Variants in TSHZ2 observed in about 807,000 individuals in gnomAD.
TSHZ2 encodes teashirt homolog 2.
Under a neutral mutation model 74.4 loss-of-function variants are expected in TSHZ2, and 21 were observed. The observed-to-expected ratio is 0.28, with a 90% CI of 0.20 to 0.41. TSHZ2 has a LOEUF of 0.41. TSHZ2 is among the 10% of genes least tolerant of loss of function. TSHZ2 has a pLI of 1.00. For synonymous variants in TSHZ2, 540 were observed against 515.3 expected (o/e 1.05, Z -0.65); for missense variants, 1,244 against 1,293.5 (o/e 0.96, Z 0.59).
rs188597875 is a variant in TSHZ2 at position 53,416,044 on chromosome 20, C to T, written c.*9-71100C>T. Reference sequence around the variant, plus strand: ...AAAGAAGGGTTTCAGTGGGGACTAACGCAGTCAGCTCTGCAATTTAGGAGG... The same window carrying T: ...AAAGAAGGGTTTCAGTGGGGACTAATGCAGTCAGCTCTGCAATTTAGGAGG... On this transcript the variant is annotated intron_variant, in intron 2 of 2. Coordinates refer to ENST00000371497, the MANE Select transcript of TSHZ2 (RefSeq NM_173485.6). 6.4e-4 allele frequency among the ~76,000 whole-genome samples: 97 copies of T among 152,262 alleles called. 1 individual carries two copies. Among genetic ancestry groups the T allele is most frequent in the Middle Eastern group, 3.4e-3 (1 of 294 alleles).
intron 1 of TSHZ2, among the ~76,000 whole-genome samples, chr20:53,202,019 A>G (rs922450463): frequency 6.6e-6 from 1 of 152,220 alleles, no homozygotes; most frequent in African/African-American, 2.4e-5. Context: ...GCTAACCACC[A>G]CAAGTAACAA....
At chr20:53,017,730 G>A (rs1008577935) in intron 1 of TSHZ2, among the ~76,000 whole-genome samples, 4 of 152,084 alleles carry the variant, frequency 2.6e-5, no homozygotes, top group Non-Finnish European at 5.9e-5. Context: ...GACATCACCC[G>A]CTTTGGGAAG....
At chr20:53,124,268 C>A (rs574892912) in intron 1 of TSHZ2, among the ~76,000 whole-genome samples, 89 of 152,318 alleles carry the variant, frequency 5.8e-4, no homozygotes, top group Middle Eastern at 3.4e-3. Flanking sequence ...TGGGTTTGAA[C>A]CCCCCTGCAT....
chr20:53,387,166 C>A (rs933173577), intron 2 of TSHZ2, among the ~76,000 whole-genome samples: 1 of 152,142 alleles, frequency 6.6e-6, no homozygotes, highest in African/African-American at 2.4e-5. Context: ...GATCCCAAAG[C>A]CAATTCCCGG....
intron 1 of TSHZ2, among the ~76,000 whole-genome samples, chr20:53,241,775 T>G (rs188190277): frequency 5.6e-4 from 85 of 150,818 alleles, no homozygotes; most frequent in African/African-American, 2.0e-3. Context: ...TTATCTCCAA[T>G]TGATAGATGG....
At chr20:53,113,437 G>C (rs888370542) in intron 1 of TSHZ2, among the ~76,000 whole-genome samples, 1 of 151,998 alleles carries the variant, frequency 6.6e-6, no homozygotes, top group Non-Finnish European at 1.5e-5. Flanking sequence ...GTAGTTTATC[G>C]CTGTTTAGCG....
In TSHZ2 at chr20:53,430,462, A is replaced by G. The variant is rs547615825; in HGVS notation, c.*9-56682A>G. Among the ~76,000 whole-genome samples, 4 of 151,236 alleles carry G rather than the reference A, an allele frequency of 2.6e-5. No individual in the cohort carries two copies. The East Asian group carries it at 7.9e-4, about 30-fold the overall frequency. On this transcript the variant is annotated intron_variant, in intron 2 of 2. Transcript: ENST00000371497. ...AAGAAAAATATTATATTAAAAAAAT[A>G]GAGAGAGAATACAGGTGATAGTGCT...
At chr20:53,362,384 C>T (rs976256412) in intron 2 of TSHZ2, among the ~76,000 whole-genome samples, 1 of 151,520 alleles carries the variant, frequency 6.6e-6, no homozygotes. Flanking sequence ...CGGGGTTTCG[C>T]TGTGTTAGCC....
chr20:53,171,743 T>C (rs1988207557), intron 1 of TSHZ2, among the ~76,000 whole-genome samples: 1 of 152,168 alleles, frequency 6.6e-6, no homozygotes, highest in South Asian at 2.1e-4. Flanking sequence ...TATCAAAATA[T>C]ATGTTTTTCT....
intron 2 of TSHZ2, among the ~76,000 whole-genome samples, chr20:53,263,452 G>A (rs984094475): frequency 2.6e-5 from 4 of 152,242 alleles, no homozygotes; most frequent in Non-Finnish European, 4.4e-5. Context: ...GGCAGGGGCC[G>A]TCACGGGGAA....
intron 1 of TSHZ2, among the ~76,000 whole-genome samples, chr20:53,181,532 G>T (rs1429833210): frequency 6.6e-6 from 1 of 152,212 alleles, no homozygotes; most frequent in Non-Finnish European, 1.5e-5. Flanking sequence ...ACACAGAAAA[G>T]CATCTAACAA....
At chr20:53,308,856 G>A (rs1244596092) in intron 2 of TSHZ2, among the ~76,000 whole-genome samples, 1 of 152,226 alleles carries the variant, frequency 6.6e-6, no homozygotes, top group East Asian at 1.9e-4. Flanking sequence ...TTAAAAATCA[G>A]CACGGTGTTA....
At chr20:53,407,443 A>G (rs181473388) in intron 2 of TSHZ2, among the ~76,000 whole-genome samples, 3 of 152,340 alleles carry the variant, frequency 2.0e-5, no homozygotes, top group Admixed American at 6.5e-5. Context: ...TTTGAATGCA[A>G]TTATCACCTT....
intron 1 of TSHZ2, among the ~76,000 whole-genome samples, chr20:53,053,120 T>C (rs1331323966): frequency 6.6e-6 from 1 of 152,188 alleles, no homozygotes; most frequent in Non-Finnish European, 1.5e-5. Flanking sequence ...GTTTGGGGCC[T>C]TTCATATACA....
At chr20:52,973,652 G>A (rs1478876908) in intron 1 of TSHZ2, among the ~76,000 whole-genome samples, 3 of 152,130 alleles carry the variant, frequency 2.0e-5, no homozygotes, top group Admixed American at 6.5e-5. Flanking sequence ...GAGGATTTGG[G>A]GTGCGGAGTA....
At chr20:53,267,811 C>A (rs1359576266) in intron 2 of TSHZ2, among the ~76,000 whole-genome samples, 1 of 152,230 alleles carries the variant, frequency 6.6e-6, no homozygotes, top group Non-Finnish European at 1.5e-5. Flanking sequence ...TCAGGCTAAG[C>A]ACTTTTCACA....
intron 1 of TSHZ2, among the ~76,000 whole-genome samples, chr20:53,049,437 G>A (rs1461298143): frequency 1.3e-5 from 2 of 152,062 alleles, no homozygotes; most frequent in Non-Finnish European, 2.9e-5. Flanking sequence ...CCTCCTCCAG[G>A]AACCATTCAT....
intron 1 of TSHZ2, among the ~76,000 whole-genome samples, chr20:53,234,310 A>G (rs893922866): frequency 6.6e-6 from 1 of 152,210 alleles, no homozygotes; most frequent in Non-Finnish European, 1.5e-5. Flanking sequence ...AAAATGTCAA[A>G]GATTCATGAA....
chr20:53,080,712 G>A (rs1246029526), intron 1 of TSHZ2, among the ~76,000 whole-genome samples: 7 of 152,098 alleles, frequency 4.6e-5, no homozygotes, highest in Non-Finnish European at 1.0e-4. Context: ...ATGTTCGCTC[G>A]CCCACCGCTC....
Sources: gnomAD v4.1 joint callset for allele counts (sites outside exome capture counted in the v4.1 genomes callset) on GRCh38, gnomAD v4.1.1 for gene constraint, MANE v1.5 for transcripts, NCBI Gene and HGNC (gene_info 2026-07-23, HGNC 2026-07-21) for gene names.